Variants in EDAR observed in about 807,000 individuals in gnomAD.
The protein encoded by EDAR is tumor necrosis factor receptor superfamily member EDAR.
EDAR carries 38 observed loss-of-function variants against 51.3 expected under a neutral mutation model. That is an observed-to-expected ratio of 0.74 (90% CI 0.57 to 0.97). EDAR has a LOEUF of 0.97. EDAR is among the 50% of genes least tolerant of loss of function. The pLI is 0.00. For missense variants in EDAR, 528 were observed against 595.0 expected (o/e 0.89, Z 1.17); for synonymous variants, 227 against 242.1 (o/e 0.94, Z 0.58).
chr2:108,936,718 C>T (rs1167053228), intron 1 of EDAR, among the ~76,000 whole-genome samples: 1 of 152,226 alleles, frequency 6.6e-6, no homozygotes, highest in Non-Finnish European at 1.5e-5. Context: ...ATGTGATTTA[C>T]AGCTCTGAAT....
chr2:108,981,621 C>A (rs1361298304), intron 1 of EDAR, among the ~76,000 whole-genome samples: 1 of 152,302 alleles, frequency 6.6e-6, no homozygotes, highest in African/African-American at 2.4e-5. Flanking sequence ...TCTGTCTATA[C>A]CTAGACCTCT....
At chr2:108,914,307 A>G (rs1300965507) in intron 5 of EDAR, among the ~76,000 whole-genome samples, 1 of 152,158 alleles carries the variant, frequency 6.6e-6, no homozygotes, top group African/African-American at 2.4e-5. Flanking sequence ...ATCTGGAAAA[A>G]TAAGAACACA....
intron 1 of EDAR, among the ~76,000 whole-genome samples, chr2:108,962,532 G>A (rs1020798913): frequency 2.0e-4 from 31 of 151,744 alleles, no homozygotes; most frequent in African/African-American, 5.8e-4. Context: ...AAAATTAGCC[G>A]GGCGTGGTGG....
chr2:108,943,439 C>T (rs1420230733), intron 1 of EDAR, among the ~76,000 whole-genome samples: 2 of 152,128 alleles, frequency 1.3e-5, no homozygotes, highest in Non-Finnish European at 1.5e-5. Context: ...GCAATCACAC[C>T]GTATTCATCT....
intron 1 of EDAR, among the ~76,000 whole-genome samples, chr2:108,963,261 C>T (rs1010660114): frequency 2.0e-5 from 3 of 152,126 alleles, no homozygotes; most frequent in Admixed American, 1.3e-4. Context: ...GCTACGTAAG[C>T]AAAAATGATC....
At chr2:108,922,234 T>C (rs1697155651) in intron 5 of EDAR, among the ~76,000 whole-genome samples, 1 of 152,214 alleles carries the variant, frequency 6.6e-6, no homozygotes, top group African/African-American at 2.4e-5. Flanking sequence ...CTGACATCTT[T>C]CCAGACTGGT....
chr2:108,938,915 G>A (rs150524923), intron 1 of EDAR, among the ~76,000 whole-genome samples: 2,254 of 151,178 alleles, frequency 0.015, 29 homozygotes, highest in South Asian at 0.03. Flanking sequence ...GAGTAGCTGC[G>A]ACTACAGGCA....
At chr2:108,974,586 T>C (rs965025040) in intron 1 of EDAR, among the ~76,000 whole-genome samples, 7 of 151,660 alleles carry the variant, frequency 4.6e-5, no homozygotes, top group African/African-American at 1.5e-4. Context: ...AAAAATTAGC[T>C]GGGCATGGTG....
rs17034678 is a variant in EDAR at position 108,960,312 on chromosome 2, G to A, written c.-19+28648C>T. 6.1e-3 allele frequency among the ~76,000 whole-genome samples: 934 copies of A among 152,284 alleles called. 12 individuals are homozygous for A. Among genetic ancestry groups the A allele is most frequent in the African/African-American group, 0.022 (904 of 41,578 alleles). On this transcript the variant is annotated intron_variant, in intron 1 of 11. Transcript: ENST00000258443. ...TTGACACTTTCCTAGGAGATTGTCT[G>A]AACAAAAAAAGTGCTCACTGCCTCA...
intron 5 of EDAR, among the ~76,000 whole-genome samples, chr2:108,914,873 G>A (rs948080650): frequency 6.6e-6 from 1 of 152,180 alleles, no homozygotes; most frequent in Non-Finnish European, 1.5e-5. Context: ...GTCAGCCCAT[G>A]CAGCAAGGCT....
intron 4 of EDAR, among the ~76,000 whole-genome samples, chr2:108,926,769 G>C (rs1483542603): frequency 6.6e-6 from 1 of 152,236 alleles, no homozygotes; most frequent in East Asian, 1.9e-4. Context: ...AGAAGCACCT[G>C]CCAAACCGCA....
At chr2:108,968,074 C>T (rs1283585798) in intron 1 of EDAR, among the ~76,000 whole-genome samples, 3 of 152,168 alleles carry the variant, frequency 2.0e-5, no homozygotes, top group Non-Finnish European at 4.4e-5. Context: ...GTCCCAGGCC[C>T]TGGGATGGAG....
At chr2:108,904,344 G>A (rs369058554) in intron 11 of EDAR, among the ~76,000 whole-genome samples, 8 of 152,178 alleles carry the variant, frequency 5.3e-5, no homozygotes, top group African/African-American at 1.4e-4. Flanking sequence ...AAACTAGACC[G>A]TTCCCACACT....
intron 1 of EDAR, among the ~76,000 whole-genome samples, chr2:108,979,363 C>T (rs1698382097): frequency 6.6e-6 from 1 of 152,132 alleles, no homozygotes; most frequent in Non-Finnish European, 1.5e-5. Context: ...CCCTGGGCTG[C>T]CCCCTGCCCC....
intron 1 of EDAR, among the ~76,000 whole-genome samples, chr2:108,979,875 G>A (rs1192968418): frequency 2.0e-5 from 3 of 152,186 alleles, no homozygotes; most frequent in Non-Finnish European, 4.4e-5. Flanking sequence ...GGCAGCACAC[G>A]GGTAGGGGGG....
intron 1 of EDAR, among the ~76,000 whole-genome samples, chr2:108,946,474 C>G (rs747084119): frequency 2.0e-5 from 3 of 152,148 alleles, no homozygotes; most frequent in Non-Finnish European, 4.4e-5. Context: ...GGCTCTCTGG[C>G]CAAACACATA....
chr2:108,915,741 A>G lies in EDAR; in HGVS notation c.443-2977T>C, dbSNP rs1176073614. ...GTGAAACCCCAACTCTACTAAAAGTACAAAAATTAGCTGGGCCTGGTGGCA... is the reference window on the plus strand; with the variant it reads ...GTGAAACCCCAACTCTACTAAAAGTGCAAAAATTAGCTGGGCCTGGTGGCA... On this transcript the variant is annotated intron_variant, in intron 5 of 11. Coordinates refer to ENST00000258443, the MANE Select transcript of EDAR (RefSeq NM_022336.4). Among the ~76,000 whole-genome samples, 4 of 152,172 alleles carry G rather than the reference A, an allele frequency of 2.6e-5. No homozygotes were observed. The East Asian group carries it at 7.8e-4, about 30-fold the overall frequency.
chr2:108,932,745 G>C (rs1045635472), intron 1 of EDAR, among the ~76,000 whole-genome samples: 8 of 152,094 alleles, frequency 5.3e-5, no homozygotes, highest in African/African-American at 9.7e-5. Context: ...TCCTTTAGGA[G>C]ATGCACCCAA....
chr2:108,927,958 G>A (rs923779339), intron 4 of EDAR, among the ~76,000 whole-genome samples: 1 of 151,964 alleles, frequency 6.6e-6, no homozygotes, highest in Non-Finnish European at 1.5e-5. Flanking sequence ...GTCTTTCAGG[G>A]GGCTCTCAGA....
Sources: gnomAD v4.1 joint callset for allele counts (sites outside exome capture counted in the v4.1 genomes callset) on GRCh38, gnomAD v4.1.1 for gene constraint, MANE v1.5 for transcripts, NCBI Gene and HGNC (gene_info 2026-07-23, HGNC 2026-07-21) for gene names.